The following B3GALT1 variants were observed in gnomAD, a reference collection of about 807,000 sequenced individuals.
B3GALT1 encodes the protein beta-1,3-galactosyltransferase 1.
Under a neutral mutation model 23.2 loss-of-function variants are expected in B3GALT1, and 10 were observed. The observed-to-expected ratio is 0.43, with a 90% CI of 0.27 to 0.73. The LOEUF (loss-of-function observed/expected upper bound fraction) is 0.73. Ranked by LOEUF, B3GALT1 falls within the 30% of genes least tolerant of loss-of-function variation. The pLI is 0.21. For missense variants in B3GALT1, 299 were observed against 405.4 expected (o/e 0.74, Z 2.25); for synonymous variants, 156 against 141.5 (o/e 1.10, Z -0.73).
chr2:167,575,500 A>T (rs557201325), intron 2 of B3GALT1, among the ~76,000 whole-genome samples: 1 of 151,944 alleles, frequency 6.6e-6, no homozygotes, highest in Admixed American at 6.6e-5. Context: ...TTGGCACACC[A>T]GCAGAGGCTC....
chr2:167,313,052 T>C (rs9287881), intron 1 of B3GALT1, among the ~76,000 whole-genome samples: 124,091 of 152,008 alleles, frequency 0.82, 51,694 homozygotes, highest in Non-Finnish European at 0.91. Context: ...CTCACTCCCT[T>C]AAAATATACT....
intron 1 of B3GALT1, among the ~76,000 whole-genome samples, chr2:167,425,699 C>T (rs1382436163): frequency 6.6e-6 from 1 of 151,956 alleles, no homozygotes; most frequent in East Asian, 1.9e-4. Context: ...GTTCTTTTTT[C>T]CTTTTCTTTT....
At chr2:167,810,023 T>G (rs1688848994) in intron 3 of B3GALT1, among the ~76,000 whole-genome samples, 1 of 152,322 alleles carries the variant, frequency 6.6e-6, no homozygotes, top group East Asian at 1.9e-4. Flanking sequence ...CCTTGCAGTT[T>G]GATCTCAGAC....
intron 3 of B3GALT1, among the ~76,000 whole-genome samples, chr2:167,654,334 C>T (rs1685916128): frequency 6.6e-6 from 1 of 152,178 alleles, no homozygotes; most frequent in South Asian, 2.1e-4. Flanking sequence ...TTACCAGCTT[C>T]TGCTGACCTC....
intron 3 of B3GALT1, among the ~76,000 whole-genome samples, chr2:167,798,991 A>G (rs1485196578): frequency 6.6e-6 from 1 of 152,202 alleles, no homozygotes; most frequent in Non-Finnish European, 1.5e-5. Context: ...TAGGGCTTCA[A>G]TAAATATTTC....
At chr2:167,843,253 T>C (rs1354018241) in intron 4 of B3GALT1, among the ~76,000 whole-genome samples, 1 of 152,224 alleles carries the variant, frequency 6.6e-6, no homozygotes, top group Non-Finnish European at 1.5e-5. Context: ...ACTGCCTTTA[T>C]ATGAAAGATT....
chr2:167,369,723 C>A (rs561873704), intron 1 of B3GALT1, among the ~76,000 whole-genome samples: 1 of 152,058 alleles, frequency 6.6e-6, no homozygotes, highest in South Asian at 2.1e-4. Flanking sequence ...AGTTTCAATA[C>A]GGCATGTGCA....
chr2:167,486,369 AAAG>A (rs1170993763), intron 1 of B3GALT1, among the ~76,000 whole-genome samples: 4 of 145,144 alleles, frequency 2.8e-5, no homozygotes, highest in East Asian at 4.3e-4. Context: ...AAAAAAAAAA[AAAG>A]AAAAGAAAAG....
intron 3 of B3GALT1, among the ~76,000 whole-genome samples, chr2:167,728,458 G>A (rs957780787): frequency 6.6e-6 from 1 of 152,048 alleles, no homozygotes; most frequent in African/African-American, 2.4e-5. Flanking sequence ...ACAATTAGAG[G>A]TACAAACAAG....
At chr2:167,304,219 A>C (rs1192179087) in intron 1 of B3GALT1, among the ~76,000 whole-genome samples, 2 of 152,174 alleles carry the variant, frequency 1.3e-5, no homozygotes, top group Non-Finnish European at 2.9e-5. Flanking sequence ...GGAGAAGAAG[A>C]AGCTCTTAAG....
intron 2 of B3GALT1, among the ~76,000 whole-genome samples, chr2:167,597,417 T>C (rs1684798986): frequency 6.6e-6 from 1 of 152,136 alleles, no homozygotes; most frequent in Admixed American, 6.5e-5. Flanking sequence ...GCCCAGCCCA[T>C]TGTCATGTTT....
intron 3 of B3GALT1, among the ~76,000 whole-genome samples, chr2:167,735,155 C>T (rs1459908054): frequency 6.6e-6 from 1 of 152,174 alleles, no homozygotes; most frequent in Non-Finnish European, 1.5e-5. Context: ...AGCATTAAAT[C>T]CCCCCTTCCA....
chr2:167,529,750 C>G (rs1217155221), intron 2 of B3GALT1, among the ~76,000 whole-genome samples: 3 of 151,622 alleles, frequency 2.0e-5, no homozygotes, highest in African/African-American at 4.8e-5. Flanking sequence ...CAAAATATAT[C>G]GAGAGCTTAA....
intron 1 of B3GALT1, among the ~76,000 whole-genome samples, chr2:167,408,270 T>A (rs1479988953): frequency 6.6e-6 from 1 of 152,168 alleles, no homozygotes; most frequent in East Asian, 1.9e-4. Context: ...AGAAAAACCT[T>A]ATGATTATTT....
At chr2:167,604,582 G>C (rs1456557899) in intron 2 of B3GALT1, among the ~76,000 whole-genome samples, 2 of 152,186 alleles carry the variant, frequency 1.3e-5, no homozygotes, top group African/African-American at 4.8e-5. Context: ...ATGCTTCAGG[G>C]CAGAGAAAGA....
chr2:167,380,403 A>G (rs1406941954), intron 1 of B3GALT1, among the ~76,000 whole-genome samples: 7 of 152,134 alleles, frequency 4.6e-5, no homozygotes, highest in African/African-American at 1.7e-4. Flanking sequence ...CTGCAGCTGT[A>G]GCAGCTCTGC....
chr2:167,376,083 T>A (rs906959855), intron 1 of B3GALT1, among the ~76,000 whole-genome samples: 2 of 152,208 alleles, frequency 1.3e-5, no homozygotes, highest in African/African-American at 4.8e-5. Context: ...GGGATGATCA[T>A]ATGTTTTTTC....
chr2:167,472,909 C>A (rs896064093), intron 1 of B3GALT1, among the ~76,000 whole-genome samples: 4 of 152,072 alleles, frequency 2.6e-5, no homozygotes, highest in Non-Finnish European at 2.9e-5. Flanking sequence ...GAAGTCTAAA[C>A]GTCCTTCTGA....
intron 3 of B3GALT1, among the ~76,000 whole-genome samples, chr2:167,673,874 T>G (rs1013874568): frequency 6.6e-6 from 1 of 152,068 alleles, no homozygotes; most frequent in African/African-American, 2.4e-5. Context: ...ATCAGAAAAT[T>G]TGTCCCCTTC....
Sources: allele counts gnomAD v4.1 joint callset (sites outside exome capture counted in the v4.1 genomes callset), GRCh38; gene constraint gnomAD v4.1.1; transcripts MANE v1.5; gene names NCBI Gene and HGNC (gene_info 2026-07-23, HGNC 2026-07-21).